LMF1: variants seen among roughly 807,000 people sequenced by gnomAD.
The protein encoded by LMF1 is lipase maturation factor 1.
In LMF1, 68 loss-of-function variants were observed where a neutral mutation model predicts 60.6. The ratio of observed to expected loss-of-function variants is 1.12; its 90% CI spans 0.92 to 1.37. The LOEUF (loss-of-function observed/expected upper bound fraction) is 1.37. LMF1 is among the 40% of genes most tolerant of loss of function. The pLI, the probability that LMF1 is intolerant of heterozygous loss-of-function variation, is 0.00. For synonymous variants in LMF1, 418 were observed against 324.7 expected (o/e 1.29, Z -3.09); for missense variants, 948 against 767.2 (o/e 1.24, Z -2.78).
chr16:957,596 C>T (rs1430225488), intron 1 of LMF1, among the ~76,000 whole-genome samples: 1 of 151,454 alleles, frequency 6.6e-6, no homozygotes, highest in Non-Finnish European at 1.5e-5. Flanking sequence ...CTAGAATATA[C>T]ATGGGAGAGC....
intron 2 of LMF1, among the ~76,000 whole-genome samples, chr16:935,636 C>T (rs1597029896): frequency 6.6e-6 from 1 of 151,572 alleles, no homozygotes; most frequent in East Asian, 1.9e-4. Context: ...TCATTCAAAG[C>T]CATCCTGAGC....
chr16:854,589 C>T lies in LMF1; in HGVS notation c.1647G>A (p.Leu549=). ...CCCTGAAGTAGGGCCTCAGCTCCTC[C>T]AGGCTGAGCGGAGGGAAGTAGGCTC... ...RIGAYFPPLS[L]EELRPYFRDR... is the part of the protein sequence containing the mutation. Residue 549 remains leucine, a synonymous_variant, in exon 11 of 11, where the codon CTG becomes CTA. Coordinates refer to ENST00000262301, the MANE Select transcript of LMF1 (RefSeq NM_022773.4). The T allele has an allele frequency of 2.5e-6, 4 of 1,607,308 alleles. No individual in the cohort carries two copies. Among genetic ancestry groups the T allele is most frequent in the Non-Finnish European group, 3.4e-6 (4 of 1,178,372 alleles).
rs890232993 is a variant in LMF1 at position 853,719 on chromosome 16, G to A, written c.*813C>T. 2.2e-5 allele frequency: 10 copies of A among 453,954 alleles called. No individual in the cohort carries two copies. Among genetic ancestry groups the A allele is most frequent in the African/African-American group, 1.4e-4 (7 of 50,002 alleles). 28.1% of individuals were successfully genotyped at this position (453,954 alleles called of 1,614,324 possible). A position where few individuals can be genotyped will look rare whatever the true frequency, so the allele number is the denominator to read the frequency against. ...GCTCAAGAATAGGAATAAGAAAAAT[G>A]TGCAGTAGACGCTGTTTGTCCGACG... On this transcript the variant is annotated 3_prime_UTR_variant, in exon 11 of 11. Coordinates refer to ENST00000262301, the MANE Select transcript of LMF1 (RefSeq NM_022773.4).
chr16:883,627 T>A (rs1002395047), intron 5 of LMF1, among the ~76,000 whole-genome samples: 1 of 152,252 alleles, frequency 6.6e-6, no homozygotes, highest in African/African-American at 2.4e-5. Flanking sequence ...CTCGTACCCG[T>A]GTAAGCCTCC....
At chr16:970,640 G>A (rs1450969558) in intron 1 of LMF1, 148 bp downstream of exon 1, 5 of 717,892 alleles carry the variant, frequency 7.0e-6, no homozygotes, top group African/African-American at 1.9e-5. Flanking sequence ...TGCCCTGCCC[G>A]CCCCGCCTTG....
At chr16:906,597 C>A (rs533974576) in intron 4 of LMF1, among the ~76,000 whole-genome samples, 1 of 152,044 alleles carries the variant, frequency 6.6e-6, no homozygotes, top group East Asian at 1.9e-4. Context: ...GACTTGTGAT[C>A]GTGGAGTTAA....
chr16:966,232 C>T lies in LMF1; in HGVS notation c.193+4556G>A, dbSNP rs554049324. Among the ~76,000 whole-genome samples, 66 of 152,340 alleles carry T rather than the reference C, an allele frequency of 4.3e-4. No individual in the cohort carries two copies. The East Asian group carries it at 7.5e-3, about 17-fold the overall frequency. On this transcript the variant is annotated intron_variant, in intron 1 of 10. Transcript: ENST00000262301. ...CAGTTCAGGCACCACGGCTCGTCCA[C>T]TGGGGCCCCAGCCTCTCACTGCAAG...
intron 1 of LMF1, among the ~76,000 whole-genome samples, chr16:955,616 C>T: frequency 6.6e-6 from 1 of 152,266 alleles, no homozygotes; most frequent in Admixed American, 6.5e-5. Context: ...GCAGTGTGTG[C>T]ATCCACGCAT....
At chr16:934,951 A>T (rs1326977980) in intron 2 of LMF1, among the ~76,000 whole-genome samples, 4 of 152,186 alleles carry the variant, frequency 2.6e-5, no homozygotes, top group African/African-American at 9.7e-5. Context: ...GGCAGGATGC[A>T]CCAATGCCCG....
chr16:877,051 GC>G (rs1303049162), intron 6 of LMF1, among the ~76,000 whole-genome samples: 1 of 152,176 alleles, frequency 6.6e-6, no homozygotes, highest in Non-Finnish European at 1.5e-5. Context: ...GAGGACACAG[GC>G]CTTGAGGCCG....
chr16:980,322 C>G (rs1021068420), intron 1 of LMF1: 1 of 156,582 alleles, frequency 6.4e-6, no homozygotes, highest in African/African-American at 2.4e-5. Flanking sequence ...AGCTCTCGGC[C>G]GGGCCAGAAC....
At chr16:887,460 G>A (rs976251996) in intron 5 of LMF1, among the ~76,000 whole-genome samples, 8 of 152,228 alleles carry the variant, frequency 5.3e-5, no homozygotes, top group African/African-American at 1.9e-4. Context: ...CGCGGTCTCG[G>A]TACCCGTGGG....
At chr16:960,355 C>T (rs961299651) in intron 1 of LMF1, among the ~76,000 whole-genome samples, 4 of 106,378 alleles carry the variant, frequency 3.8e-5, no homozygotes, top group Admixed American at 1.0e-4. Context: ...CACGGGATCA[C>T]GACCCAGACA....
chr16:871,514 G>GA lies in LMF1; in HGVS notation c.898-174dup, dbSNP rs2069793019. The stretch of plus-strand genomic sequence containing the variant: ...AACCCAGCTGTGCCTTCATGGAGGG[G>GA]ACAGCAGATGCCTCAGAGGTGCCTT... On this transcript the variant is annotated intron_variant, in intron 6 of 10. Coordinates refer to ENST00000262301, the MANE Select transcript of LMF1 (RefSeq NM_022773.4). The GA allele has an allele frequency of 4.7e-6, 3 of 644,354 alleles. No homozygotes were observed. In the Admixed American group the frequency reaches 8.7e-5, roughly 19 times the overall value. The allele number at this position is 644,354 out of a possible 1,614,324, so 39.9% of individuals were successfully genotyped here.
intron 6 of LMF1, among the ~76,000 whole-genome samples, chr16:877,873 G>A (rs8043613): frequency 0.19 from 28,433 of 152,146 alleles, 3,194 homozygotes; most frequent in African/African-American, 0.3. Context: ...AAGGTCACCA[G>A]AGTCCCACAC....
chr16:906,200 C>T (rs757566777), intron 4 of LMF1, among the ~76,000 whole-genome samples: 4 of 152,166 alleles, frequency 2.6e-5, no homozygotes, highest in Admixed American at 6.5e-5. Flanking sequence ...GGGACTATTT[C>T]TTGGTTCTCT....
chr16:862,842 A>G (rs2069503360), intron 10 of LMF1, among the ~76,000 whole-genome samples: 1 of 125,448 alleles, frequency 8.0e-6, no homozygotes, highest in Non-Finnish European at 1.5e-5. Flanking sequence ...TGGGTGACAG[A>G]GAGTGAGAAC....
intron 5 of LMF1, among the ~76,000 whole-genome samples, chr16:890,495 A>C (rs2070451716): frequency 6.6e-6 from 1 of 151,984 alleles, no homozygotes. Context: ...TGTGACCATC[A>C]GGACATCAGG....
chr16:963,362 T>TGC (rs2072853597), intron 1 of LMF1, among the ~76,000 whole-genome samples: 1 of 151,992 alleles, frequency 6.6e-6, no homozygotes, highest in South Asian at 2.1e-4. Context: ...CCAGTGTGTG[T>TGC]GCATATGGGT....
Sources: gnomAD v4.1 joint callset for allele counts (sites outside exome capture counted in the v4.1 genomes callset) on GRCh38, gnomAD v4.1.1 for gene constraint, MANE v1.5 for transcripts, NCBI Gene and HGNC (gene_info 2026-07-23, HGNC 2026-07-21) for gene names.